Variants in SAMD12 observed in about 807,000 individuals in gnomAD.
SAMD12 encodes the protein sterile alpha motif domain-containing protein 12.
In SAMD12, 9 loss-of-function variants were observed where a neutral mutation model predicts 15.0. The observed-to-expected ratio is 0.60, with a 90% CI of 0.36 to 1.05. The LOEUF (loss-of-function observed/expected upper bound fraction) is 1.05, where lower values mean the gene tolerates loss of function less well. Among genes scored for constraint, SAMD12 ranks in the 50% least tolerant of loss-of-function variants. The pLI is 0.01. For missense variants in SAMD12, 230 were observed against 234.2 expected (o/e 0.98, Z 0.12); for synonymous variants, 86 against 90.1 (o/e 0.96, Z 0.25).
the SAMD12 span, among the ~76,000 whole-genome samples, chr8:118,165,209 T>G: frequency 1.3e-5 from 2 of 152,156 alleles, no homozygotes; most frequent in African/African-American, 2.4e-5. Context: ...AAGGTTCTCA[T>G]GAACCTTTTC....
intron 4 of SAMD12, among the ~76,000 whole-genome samples, chr8:118,350,708 G>A (rs1446188412): frequency 6.6e-6 from 1 of 152,046 alleles, no homozygotes; most frequent in Non-Finnish European, 1.5e-5. Context: ...CTTTATTTGG[G>A]GATATAATGC....
chr8:118,331,102 T>A (rs1395304273), intron 4 of SAMD12, among the ~76,000 whole-genome samples: 1 of 152,176 alleles, frequency 6.6e-6, no homozygotes, highest in Non-Finnish European at 1.5e-5. Context: ...TATCCTGAGA[T>A]GATGCTGAAA....
the SAMD12 span, among the ~76,000 whole-genome samples, chr8:118,139,730 AATAAAG>A: frequency 6.6e-6 from 1 of 152,154 alleles, no homozygotes; most frequent in African/African-American, 2.4e-5. Flanking sequence ...TGGCTACAAT[AATAAAG>A]ATAATGTCAC....
At chr8:118,491,355 T>G (rs1658674630) in intron 2 of SAMD12, among the ~76,000 whole-genome samples, 1 of 152,204 alleles carries the variant, frequency 6.6e-6, no homozygotes. Context: ...TTCGTAAGAC[T>G]CATGTCACAA....
intron 2 of SAMD12, among the ~76,000 whole-genome samples, chr8:118,465,275 G>A (rs969344815): frequency 6.6e-6 from 1 of 152,094 alleles, no homozygotes; most frequent in Non-Finnish European, 1.5e-5. Context: ...GATGGTGAGT[G>A]GAACTCATAA....
chr8:118,307,994 C>G (rs995881171), intron 4 of SAMD12, among the ~76,000 whole-genome samples: 10 of 152,236 alleles, frequency 6.6e-5, no homozygotes, highest in African/African-American at 2.4e-4. Flanking sequence ...TTCCACGTGA[C>G]TGTTTTCTTC....
At chr8:118,417,700 C>A (rs558728391) in intron 3 of SAMD12, among the ~76,000 whole-genome samples, 1 of 152,016 alleles carries the variant, frequency 6.6e-6, no homozygotes, top group East Asian at 1.9e-4. Context: ...AGATCCAAAC[C>A]ACAGAACACA....
At chr8:118,594,289 G>T (rs907859659) in intron 1 of SAMD12, among the ~76,000 whole-genome samples, 3 of 151,964 alleles carry the variant, frequency 2.0e-5, no homozygotes, top group African/African-American at 7.3e-5. Flanking sequence ...CAGTGTGAAG[G>T]TCTGTTCTTG....
intron 4 of SAMD12, among the ~76,000 whole-genome samples, chr8:118,271,113 G>C (rs1813345873): frequency 6.6e-6 from 1 of 152,122 alleles, no homozygotes; most frequent in Admixed American, 6.6e-5. Context: ...CCATTCTCAT[G>C]CTGCTAATTG....
At chr8:118,513,783 A>G (rs7004852) in intron 2 of SAMD12, among the ~76,000 whole-genome samples, 54,940 of 152,040 alleles carry the variant, frequency 0.36, 10,100 homozygotes, top group Admixed American at 0.42. Context: ...AGAGAGGCCA[A>G]AAGGAGGGAA....
chr8:118,146,193 G>A, the SAMD12 span, among the ~76,000 whole-genome samples: 2 of 152,324 alleles, frequency 1.3e-5, no homozygotes, highest in South Asian at 4.1e-4. Flanking sequence ...CCAAATGAAG[G>A]AGGCAGGGGT....
At chr8:118,432,556 C>T (rs1377208802) in intron 3 of SAMD12, among the ~76,000 whole-genome samples, 1 of 152,184 alleles carries the variant, frequency 6.6e-6, no homozygotes, top group African/African-American at 2.4e-5. Flanking sequence ...TCAACATACA[C>T]TTTCTTATTA....
rs144710297 is a variant in SAMD12, at chr8:118,596,470, G to T, written c.14-15577C>A. ...CCATTCTAAAGAACCCTATCCACCT[G>T]CTATATCTAATGCCCACCTCCCACC... On this transcript the variant is annotated intron_variant, in intron 1 of 3. Coordinates refer to ENST00000314727, the MANE Select transcript of SAMD12 (RefSeq NM_207506.3). 3.0e-3 allele frequency among the ~76,000 whole-genome samples: 454 copies of T among 152,248 alleles called. 5 individuals are homozygous for T. Among genetic ancestry groups the T allele is most frequent in the African/African-American group, 0.01 (434 of 41,554 alleles).
intron 2 of SAMD12, among the ~76,000 whole-genome samples, chr8:118,485,653 C>A (rs1272422487): frequency 6.6e-6 from 1 of 152,092 alleles, no homozygotes; most frequent in African/African-American, 2.4e-5. Context: ...ACGGGCAGTT[C>A]TAGCAGCCGA....
the SAMD12 span, among the ~76,000 whole-genome samples, chr8:118,170,192 C>T: frequency 5.9e-5 from 9 of 152,056 alleles, no homozygotes; most frequent in African/African-American, 9.7e-5. Flanking sequence ...TTTGGGGAAA[C>T]GATTGTACAC....
the SAMD12 span, among the ~76,000 whole-genome samples, chr8:118,183,890 C>A: frequency 6.6e-6 from 1 of 152,100 alleles, no homozygotes; most frequent in Non-Finnish European, 1.5e-5. Context: ...TTTGCATACC[C>A]ATAGCTTAGC....
Position 118,258,906 on chromosome 8 carries a change from G to C in SAMD12, c.434-61174C>G, listed in dbSNP as rs115814925. Among the ~76,000 whole-genome samples the C allele has an allele frequency of 5.2e-4, 79 of 152,130 alleles. 1 individual carries two copies. Among genetic ancestry groups the C allele is most frequent in the African/African-American group, 1.8e-3 (74 of 41,538 alleles). On this transcript the variant is annotated intron_variant, in intron 4 of 4. Coordinates refer to the SAMD12 transcript ENST00000409003. ...CCTCTGCTTGACTCAAATAAACCAC[G>C]CTCATCTGCCAGGCCCCTGCACACC...
chr8:118,186,127 T>A (rs1240421342), downstream of SAMD12, among the ~76,000 whole-genome samples: 5 of 152,208 alleles, frequency 3.3e-5, no homozygotes, highest in Admixed American at 2.6e-4. Flanking sequence ...GAGCCTTTAA[T>A]GTGCTAATAG....
intron 3 of SAMD12, among the ~76,000 whole-genome samples, chr8:118,421,473 T>G (rs1237299222): frequency 6.6e-6 from 1 of 152,228 alleles, no homozygotes; most frequent in Admixed American, 6.5e-5. Flanking sequence ...GTCACCAAGG[T>G]AGTTTTAGGG....
Sources: gnomAD v4.1 joint callset for allele counts (sites outside exome capture counted in the v4.1 genomes callset) on GRCh38, gnomAD v4.1.1 for gene constraint, MANE v1.5 for transcripts, NCBI Gene and HGNC (gene_info 2026-07-23, HGNC 2026-07-21) for gene names.